DCC: variants seen among roughly 807,000 people sequenced by gnomAD.
DCC encodes netrin receptor DCC.
A neutral mutation model predicts 172.5 loss-of-function variants in DCC; 58 were observed. The observed-to-expected ratio is 0.34, with a 90% CI of 0.27 to 0.42. DCC has a LOEUF of 0.42. Among genes scored for constraint, DCC ranks in the 10% least tolerant of loss-of-function variants. The probability of loss-of-function intolerance (pLI) is 1.00; values close to 1 mark genes in which losing one functional copy is unlikely to be tolerated. For synonymous variants in DCC, 709 were observed against 644.5 expected, an observed-to-expected ratio of 1.10 and a Z score of -1.52; for missense variants, 1,740 against 1,791.0, an observed-to-expected ratio of 0.97 and a Z score of 0.51.
At chr18:52,821,421 C>A (rs1396869764) in intron 2 of DCC, among the ~76,000 whole-genome samples, 1 of 152,180 alleles carries the variant, frequency 6.6e-6, no homozygotes, top group African/African-American at 2.4e-5. Flanking sequence ...TATATGCTGG[C>A]AGTATATTCC....
intron 1 of DCC, among the ~76,000 whole-genome samples, chr18:52,352,441 A>C (rs1984167518): frequency 6.6e-6 from 1 of 152,192 alleles, no homozygotes; most frequent in Non-Finnish European, 1.5e-5. Context: ...AGAGGCTCAT[A>C]GGTCCAGCTA....
chr18:52,876,966 T>C (rs2145395676), intron 2 of DCC, among the ~76,000 whole-genome samples: 1 of 152,346 alleles, frequency 6.6e-6, no homozygotes, highest in Non-Finnish European at 1.5e-5. Context: ...TAAATTTGAA[T>C]TTCAGATAAA....
intron 2 of DCC, among the ~76,000 whole-genome samples, chr18:52,885,987 C>T: frequency 6.6e-6 from 1 of 151,780 alleles, no homozygotes. Flanking sequence ...TACAACTCTG[C>T]CCAGTGCCCT....
chr18:52,851,327 A>G (rs1052630191), intron 2 of DCC, among the ~76,000 whole-genome samples: 1 of 152,114 alleles, frequency 6.6e-6, no homozygotes, highest in Admixed American at 6.6e-5. Flanking sequence ...AGTGTTTAAG[A>G]CTTACTCCAG....
intron 28 of DCC, among the ~76,000 whole-genome samples, chr18:53,528,745 TATC>T (rs1430469278): frequency 2.0e-5 from 3 of 152,116 alleles, no homozygotes; most frequent in Non-Finnish European, 2.9e-5. Context: ...TCCAAAATAT[TATC>T]ATCTCAACAT....
chr18:52,458,097 A>G (rs373297820), intron 1 of DCC, among the ~76,000 whole-genome samples: 29 of 152,296 alleles, frequency 1.9e-4, no homozygotes, highest in South Asian at 1.9e-3. Context: ...ACAGAAGCCT[A>G]TCTCTGATGT....
chr18:52,975,443 T>G (rs545659118), intron 5 of DCC, among the ~76,000 whole-genome samples: 3 of 152,308 alleles, frequency 2.0e-5, no homozygotes, highest in East Asian at 3.9e-4. Context: ...GTTGTTGTAC[T>G]GATTATTTCA....
intron 1 of DCC, among the ~76,000 whole-genome samples, chr18:52,512,861 G>C (rs1056324554): frequency 1.3e-5 from 2 of 152,140 alleles, no homozygotes; most frequent in Non-Finnish European, 2.9e-5. Flanking sequence ...GAGTGCTAAG[G>C]ATGATGAACA....
At chr18:52,374,589 A>T (rs1334717027) in intron 1 of DCC, among the ~76,000 whole-genome samples, 2 of 152,216 alleles carry the variant, frequency 1.3e-5, no homozygotes, top group African/African-American at 4.8e-5. Flanking sequence ...GAACACAGAT[A>T]GGGCCAACAT....
At chr18:52,406,922 T>C (rs1305735052) in intron 1 of DCC, among the ~76,000 whole-genome samples, 1 of 152,078 alleles carries the variant, frequency 6.6e-6, no homozygotes, top group Non-Finnish European at 1.5e-5. Context: ...TGTGGTTGCA[T>C]TCTCTGCCAG....
chr18:53,355,001 A>G (rs577719413), intron 15 of DCC, among the ~76,000 whole-genome samples: 33 of 152,214 alleles, frequency 2.2e-4, no homozygotes, highest in African/African-American at 7.9e-4. Flanking sequence ...ATGGCTAGCC[A>G]GTTTTCCCAG....
At chr18:52,988,791 A>G (rs1369207938) in intron 5 of DCC, among the ~76,000 whole-genome samples, 1 of 152,110 alleles carries the variant, frequency 6.6e-6, no homozygotes, top group East Asian at 1.9e-4. Flanking sequence ...GTTGAAAAAA[A>G]TCACACACAT....
In DCC at chr18:53,115,559, C is replaced by G. The variant is rs1482867843; in HGVS notation, c.1262-41797C>G. ...ACTCTTAGATTTGATTCCCCCATCC[C>G]AGTGCTAGAATTCGGCCAGTAGTTG... On this transcript the variant is annotated intron_variant, in intron 7 of 28. Transcript: ENST00000442544. Among the ~76,000 whole-genome samples the G allele has an allele frequency of 4.6e-5, 7 of 151,666 alleles. 1 individual carries two copies. Among genetic ancestry groups the G allele is most frequent in the Admixed American group, 4.6e-4 (7 of 15,184 alleles).
intron 12 of DCC, among the ~76,000 whole-genome samples, chr18:53,272,259 A>G (rs1357727434): frequency 6.6e-6 from 1 of 152,138 alleles, no homozygotes; most frequent in East Asian, 1.9e-4. Context: ...TAGAATATGT[A>G]TTACCTAGCC....
rs964068080 is a variant in DCC at position 52,340,955 on chromosome 18, G to A, written c.91+77G>A. 1.0e-5 allele frequency: 12 copies of A among 1,152,946 alleles called. No homozygotes were observed. The Admixed American group carries it at 2.0e-4, about 20-fold the overall frequency. 71.4% of individuals were successfully genotyped at this position (1,152,946 alleles called of 1,614,324 possible). A position where few individuals can be genotyped will look rare whatever the true frequency, so the allele number is the denominator to read the frequency against. ...CCCTTCTCATTTCATTTGGCGAGTA[G>A]TAGAATTGGGGTGGGGGATAGCAAG... On this transcript the variant is annotated intron_variant, in intron 1 of 28. Coordinates refer to ENST00000442544, the MANE Select transcript of DCC (RefSeq NM_005215.4).
At chr18:52,949,146 T>A (rs922272494) in intron 5 of DCC, among the ~76,000 whole-genome samples, 1 of 152,192 alleles carries the variant, frequency 6.6e-6, no homozygotes, top group Non-Finnish European at 1.5e-5. Context: ...ATCATTGCTG[T>A]GAGACTTCAA....
intron 5 of DCC, among the ~76,000 whole-genome samples, chr18:52,932,323 C>T (rs1401923719): frequency 6.6e-6 from 1 of 152,138 alleles, no homozygotes; most frequent in Non-Finnish European, 1.5e-5. Flanking sequence ...GGAAGAAAGA[C>T]AGTCCTCCAT....
chr18:53,499,708 G>C (rs1182387745), intron 27 of DCC, among the ~76,000 whole-genome samples, 198 bp downstream of exon 27: 34 of 152,078 alleles, frequency 2.2e-4, no homozygotes, highest in Admixed American at 2.2e-3. Context: ...ATTGGTTGTA[G>C]GTGCTTTTCA....
At chr18:53,387,703 T>C (rs2144999394) in intron 16 of DCC, among the ~76,000 whole-genome samples, 1 of 152,330 alleles carries the variant, frequency 6.6e-6, no homozygotes, top group Middle Eastern at 3.4e-3. Context: ...GCTGCACCAT[T>C]GTGTCTCATA....
Sources: allele counts gnomAD v4.1 joint callset (sites outside exome capture counted in the v4.1 genomes callset), GRCh38; gene constraint gnomAD v4.1.1; transcripts MANE v1.5; gene names NCBI Gene and HGNC (gene_info 2026-07-23, HGNC 2026-07-21).